The following RCBTB2 variants were observed in gnomAD, a reference collection of about 807,000 sequenced individuals.
The protein encoded by RCBTB2 is RCC1 and BTB domain containing protein 2.
In RCBTB2, 55 loss-of-function variants were observed where a neutral mutation model predicts 65.4. That is an observed-to-expected ratio of 0.84 (90% CI 0.68 to 1.05). The LOEUF is 1.05. Ranked by LOEUF, RCBTB2 falls within the 50% of genes least tolerant of loss-of-function variation. RCBTB2 has a pLI of 0.00. For synonymous variants in RCBTB2, 220 were observed against 255.2 expected (o/e 0.86, Z 1.31); for missense variants, 599 against 680.1 (o/e 0.88, Z 1.33).
At chr13:48,527,548 G>A (rs189452977) in intron 1 of RCBTB2, among the ~76,000 whole-genome samples, 156 of 151,830 alleles carry the variant, frequency 1.0e-3, no homozygotes, top group African/African-American at 3.6e-3. Context: ...ACCTCTCCAC[G>A]CAGAAGTTCC....
At chr13:48,507,753 A>G (rs9332015) in intron 10 of RCBTB2, among the ~76,000 whole-genome samples, 4,805 of 152,292 alleles carry the variant, frequency 0.032, 265 homozygotes, top group African/African-American at 0.11. Context: ...CTCAGAAGTC[A>G]AAGAATTCTC....
rs757366474 is a variant in RCBTB2, at chr13:48,515,687, T to C, written c.97A>G (p.Ile33Val). 4 of 1,614,100 alleles carry C rather than the reference T, an allele frequency of 2.5e-6. No individual in the cohort carries two copies. Among genetic ancestry groups the C allele is most frequent in the Non-Finnish European group, 3.4e-6 (4 of 1,180,006 alleles). ...TCTTCTTCAGAACAAAGGGAAAAAA[T>C]TGGCCACTTTCCCACATCTAACATC... ...LKMLDVGKWP[I>V]FSLCSEEELQ... Residue 33 changes from isoleucine (I) to valine (V), a missense_variant, in exon 5 of 15, where the codon ATT becomes GTT. Transcript: ENST00000344532.
chr13:48,510,490 T>G (rs1398774099), intron 10 of RCBTB2, 139 bp downstream of exon 10: 16 of 1,080,472 alleles, frequency 1.5e-5, no homozygotes, highest in East Asian at 2.5e-5. Flanking sequence ...AAAGCCAATT[T>G]TTCTAAAGGA....
intron 1 of RCBTB2, 164 bp downstream of exon 1, chr13:48,532,864 G>A (rs1256177822): frequency 7.7e-6 from 3 of 389,740 alleles, no homozygotes; most frequent in South Asian, 1.8e-5. Flanking sequence ...CTAGGCCTGT[G>A]GCACGGTCGC....
intron 1 of RCBTB2, among the ~76,000 whole-genome samples, chr13:48,531,207 G>C (rs1341496710): frequency 6.6e-6 from 1 of 152,190 alleles, no homozygotes; most frequent in East Asian, 1.9e-4. Flanking sequence ...CAAGCATCAA[G>C]GACAGGACGT....
chr13:48,517,789 G>A (rs1434932410), intron 4 of RCBTB2, among the ~76,000 whole-genome samples: 1 of 152,180 alleles, frequency 6.6e-6, no homozygotes, highest in Non-Finnish European at 1.5e-5. Flanking sequence ...GCTGCAGTGG[G>A]TTGAATGGCT....
upstream of RCBTB2, among the ~76,000 whole-genome samples, chr13:48,534,894 A>C (rs186339767): frequency 3.9e-5 from 6 of 152,310 alleles, no homozygotes; most frequent in Admixed American, 3.9e-4. Context: ...ACATCTCCCA[A>C]GTTTACCTAC....
chr13:48,513,963 T>C (rs1161185307), intron 6 of RCBTB2, among the ~76,000 whole-genome samples: 1 of 152,208 alleles, frequency 6.6e-6, no homozygotes, highest in African/African-American at 2.4e-5. Context: ...AAGTTAGGCA[T>C]AGTAAGAGAT....
chr13:48,508,412 G>GTTTTTTTTT (rs570095675), intron 10 of RCBTB2, among the ~76,000 whole-genome samples: 20 of 143,724 alleles, frequency 1.4e-4, no homozygotes, highest in African/African-American at 5.1e-4. Context: ...ATTCATCCAT[G>GTTTTTTTTT]TTTTTTTTTT....
intron 12 of RCBTB2, 57 bp downstream of exon 12, chr13:48,501,685 A>C: frequency 6.8e-7 from 1 of 1,474,894 alleles, no homozygotes; most frequent in South Asian, 1.2e-5. Context: ...TTGGACACTT[A>C]GAATATAATT....
In RCBTB2 at chr13:48,512,193, A is replaced by T. The variant is rs1193765374; in HGVS notation, c.517-19T>A. ...CAAATACCTGTTTAAAGGAAAGATC[A>T]GTAAATGAAACAGATTAATTTATAA... On this transcript the variant is annotated intron_variant, in intron 7 of 14. Coordinates refer to ENST00000344532, the MANE Select transcript of RCBTB2 (RefSeq NM_001268.4). 6.2e-7 allele frequency: 1 copy of T among 1,602,838 alleles called. No individual in the cohort carries two copies. Among genetic ancestry groups the T allele is most frequent in the Admixed American group, 1.7e-5 (1 of 59,660 alleles).
chr13:48,493,225 T>TCACACACACACACACACACACACACACA lies in RCBTB2; in HGVS notation c.1515+2938_1515+2965dup, dbSNP rs3085589. On this transcript the variant is annotated intron_variant, in intron 14 of 14. Transcript: ENST00000344532. ...TATACAGCCTCCTAAGTACCCTCCT[T>TCACACACACACACACACACACACACACA]CACACACACACACACACACACACAC... 8.3e-4 allele frequency among the ~76,000 whole-genome samples: 91 copies of TCACACACACACACACACACACACACACA among 109,118 alleles called. 2 individuals are homozygous for TCACACACACACACACACACACACACACA. Among genetic ancestry groups the TCACACACACACACACACACACACACACA allele is most frequent in the Middle Eastern group, 4.6e-3 (1 of 216 alleles). 71.6% of individuals were successfully genotyped at this position (109,118 alleles called of 152,430 possible). A position where few individuals can be genotyped will look rare whatever the true frequency, so the allele number is the denominator to read the frequency against.
intron 1 of RCBTB2, among the ~76,000 whole-genome samples, chr13:48,531,216 G>A (rs1431648891): frequency 1.3e-5 from 2 of 152,208 alleles, no homozygotes; most frequent in Non-Finnish European, 2.9e-5. Context: ...AGGACAGGAC[G>A]TGATAGAAAA....
intron 4 of RCBTB2, among the ~76,000 whole-genome samples, chr13:48,519,869 G>A (rs978224734): frequency 1.3e-5 from 2 of 152,034 alleles, no homozygotes; most frequent in African/African-American, 4.8e-5. Context: ...GCATGTATTT[G>A]CATTTTTTGA....
chr13:48,492,961 C>T (rs1214105016), intron 14 of RCBTB2, among the ~76,000 whole-genome samples: 1 of 152,028 alleles, frequency 6.6e-6, no homozygotes, highest in Non-Finnish European at 1.5e-5. Context: ...TATTCAAAAC[C>T]AAATTTCTGA....
intron 13 of RCBTB2, 109 bp downstream of exon 13, chr13:48,499,512 G>C: frequency 1.7e-6 from 2 of 1,159,128 alleles, no homozygotes; most frequent in Non-Finnish European, 1.2e-6. Context: ...CACACAAAAA[G>C]AAATACTTCT....
rs561266212 is a variant in RCBTB2, at chr13:48,510,769, G to T, written c.786C>A (p.Val262=). The change falls in exon 10 of 15, where the codon GTC becomes GTA. Residue 262 remains valine, a splice_region_variant and synonymous_variant. Transcript: ENST00000344532. ...CTAATGTGTGTGCGTAGCCACAGGC[G>T]ACCTGGAAGGAAAAAAATCCACTCA... The part of the protein sequence containing the change: ...AALQGIRVQR[V]ACGYAHTLVL... 3 of 1,609,446 alleles carry T rather than the reference G, an allele frequency of 1.9e-6. No homozygotes were observed. In the African/African-American group the frequency reaches 4.0e-5, roughly 22 times the overall value.
At chr13:48,493,996 G>GGA (rs950028804) in intron 14 of RCBTB2, among the ~76,000 whole-genome samples, 11 of 152,184 alleles carry the variant, frequency 7.2e-5, no homozygotes, top group African/African-American at 2.4e-4. Context: ...TGAGGACAAT[G>GGA]GAGAATTGTA....
intron 9 of RCBTB2, among the ~76,000 whole-genome samples, chr13:48,511,500 A>G (rs1412344234): frequency 6.6e-6 from 1 of 152,226 alleles, no homozygotes; most frequent in African/African-American, 2.4e-5. Context: ...GAGTAGAACT[A>G]CAGGTCAAAG....
Sources: gnomAD v4.1 joint callset for allele counts (sites outside exome capture counted in the v4.1 genomes callset) on GRCh38, gnomAD v4.1.1 for gene constraint, MANE v1.5 for transcripts, NCBI Gene and HGNC (gene_info 2026-07-23, HGNC 2026-07-21) for gene names.